B3GALT1: variants seen among roughly 807,000 people sequenced by gnomAD.
B3GALT1 encodes the protein beta-1,3-galactosyltransferase 1, also known as UDP-Gal:betaGlcNAc beta 1,3-galactosyltransferase, polypeptide 1.
In B3GALT1, 10 loss-of-function variants were observed where a neutral mutation model predicts 23.2. That is an observed-to-expected ratio of 0.43 (90% confidence interval 0.27 to 0.73). The LOEUF is 0.73. Ranked by LOEUF, B3GALT1 falls within the 30% of genes least tolerant of loss-of-function variation. The pLI is 0.21. For synonymous variants in B3GALT1, 156 were observed against 141.5 expected (o/e 1.10, Z -0.73); for missense variants, 299 against 405.4 (o/e 0.74, Z 2.25).
chr2:167,496,210 A>G (rs1699780922), intron 2 of B3GALT1, among the ~76,000 whole-genome samples: 1 of 152,204 alleles, frequency 6.6e-6, no homozygotes, highest in Admixed American at 6.5e-5. Flanking sequence ...GAAAAAGTCA[A>G]TACCAGCTTG....
intron 2 of B3GALT1, among the ~76,000 whole-genome samples, chr2:167,535,101 T>C (rs1406067329): frequency 2.0e-5 from 3 of 152,180 alleles, no homozygotes; most frequent in African/African-American, 7.2e-5. Context: ...TCCCATTCCC[T>C]TGATGAAGCT....
At chr2:167,678,299 A>G (rs185079542) in intron 3 of B3GALT1, among the ~76,000 whole-genome samples, 5 of 152,190 alleles carry the variant, frequency 3.3e-5, no homozygotes, top group African/African-American at 7.2e-5. Flanking sequence ...CGTTTTAACA[A>G]TTCTTCCTCA....
Position 167,714,164 on chromosome 2 carries a change from G to A in B3GALT1, c.-352+67198G>A. 5 of 1,519,800 alleles carry A rather than the reference G, an allele frequency of 3.3e-6. No individual in the cohort carries two copies. The South Asian group carries it at 5.6e-5, about 17-fold the overall frequency. 94.1% of individuals were successfully genotyped at this position (1,519,800 alleles called of 1,614,324 possible). A position where few individuals can be genotyped will look rare whatever the true frequency, so the allele number is the denominator to read the frequency against. On this transcript the variant is annotated intron_variant, in intron 3 of 4. Transcript: ENST00000392690. ...AAAACTTCTGAGTTCTGCTGGTCCA[G>A]ACAGTCTATCAGAATTAGAATAAAA... is the stretch of plus-strand genomic sequence containing the variant.
chr2:167,364,023 G>C (rs530905275), intron 1 of B3GALT1, among the ~76,000 whole-genome samples: 3 of 152,060 alleles, frequency 2.0e-5, no homozygotes, highest in East Asian at 3.9e-4. Context: ...AATTAGCCAG[G>C]CATGGCGGCT....
At chr2:167,638,647 A>T (rs1171281329) in intron 2 of B3GALT1, among the ~76,000 whole-genome samples, 3 of 152,076 alleles carry the variant, frequency 2.0e-5, no homozygotes, top group African/African-American at 7.2e-5. Flanking sequence ...CACTTTTTGG[A>T]ACAATAAATT....
At chr2:167,735,598 A>G (rs1319034372) in intron 3 of B3GALT1, among the ~76,000 whole-genome samples, 1 of 152,234 alleles carries the variant, frequency 6.6e-6, no homozygotes, top group Non-Finnish European at 1.5e-5. Flanking sequence ...TCTCTTCTGC[A>G]TATATTCCTA....
At chr2:167,788,786 A>C (rs1688384323) in intron 3 of B3GALT1, among the ~76,000 whole-genome samples, 1 of 152,192 alleles carries the variant, frequency 6.6e-6, no homozygotes, top group Non-Finnish European at 1.5e-5. Flanking sequence ...AATGTCCCAA[A>C]GTGACCAGAA....
chr2:167,479,919 AT>A (rs1011818195), intron 1 of B3GALT1, among the ~76,000 whole-genome samples: 3 of 152,084 alleles, frequency 2.0e-5, no homozygotes, highest in African/African-American at 7.2e-5. Flanking sequence ...TGGGGAACCA[AT>A]TTTCCACATC....
intron 1 of B3GALT1, among the ~76,000 whole-genome samples, chr2:167,360,226 A>T (rs1697479184): frequency 6.6e-6 from 1 of 152,168 alleles, no homozygotes; most frequent in Non-Finnish European, 1.5e-5. Context: ...TGACATGAGG[A>T]ATCTGTAGGT....
intron 3 of B3GALT1, among the ~76,000 whole-genome samples, chr2:167,682,000 T>C (rs1686538600): frequency 6.6e-6 from 1 of 152,222 alleles, no homozygotes; most frequent in Admixed American, 6.5e-5. Context: ...ATAATGAATT[T>C]TTGTTTTTTT....
At chr2:167,447,408 A>C (rs1699017214) in intron 1 of B3GALT1, among the ~76,000 whole-genome samples, 2 of 152,202 alleles carry the variant, frequency 1.3e-5, no homozygotes, top group Non-Finnish European at 2.9e-5. Context: ...GGGACATTTA[A>C]GTCTGCAGAA....
chr2:167,517,264 A>T (rs1379798268), intron 2 of B3GALT1, among the ~76,000 whole-genome samples: 4 of 151,902 alleles, frequency 2.6e-5, no homozygotes, highest in Non-Finnish European at 5.9e-5. Context: ...AATACTCAGA[A>T]CCTGCCTTTC....
chr2:167,410,440 G>A (rs576746756), intron 1 of B3GALT1, among the ~76,000 whole-genome samples: 13 of 150,280 alleles, frequency 8.7e-5, no homozygotes, highest in South Asian at 2.1e-4. Context: ...GCAGTGAGCC[G>A]AGATCGCGCC....
chr2:167,842,609 C>T (rs1689673091), intron 4 of B3GALT1, among the ~76,000 whole-genome samples: 1 of 152,114 alleles, frequency 6.6e-6, no homozygotes, highest in South Asian at 2.1e-4. Context: ...TGCAGTGGCT[C>T]ACACCTGTAA....
At chr2:167,491,514 T>C (rs1699710301) in intron 2 of B3GALT1, among the ~76,000 whole-genome samples, 1 of 149,712 alleles carries the variant, frequency 6.7e-6, no homozygotes, top group Admixed American at 6.7e-5. Context: ...TAACAGACTT[T>C]TTAAAGAGTA....
At chr2:167,662,090 G>A (rs926901780) in intron 3 of B3GALT1, among the ~76,000 whole-genome samples, 14 of 147,888 alleles carry the variant, frequency 9.5e-5, no homozygotes, top group African/African-American at 2.9e-4. Context: ...AAAAAAAGCA[G>A]CAAGTTTTTC....
At chr2:167,630,768 A>G (rs368480244) in intron 2 of B3GALT1, among the ~76,000 whole-genome samples, 86 of 151,922 alleles carry the variant, frequency 5.7e-4, no homozygotes, top group African/African-American at 1.9e-3. Flanking sequence ...GAAAATTATC[A>G]TAATACAGAC....
At chr2:167,454,371 C>G (rs552748829) in intron 1 of B3GALT1, among the ~76,000 whole-genome samples, 1 of 152,328 alleles carries the variant, frequency 6.6e-6, no homozygotes, top group East Asian at 1.9e-4. Flanking sequence ...CCACTTCTCC[C>G]TCAGTCCTTC....
At chr2:167,548,714 G>T (rs913739112) in intron 2 of B3GALT1, among the ~76,000 whole-genome samples, 1 of 151,190 alleles carries the variant, frequency 6.6e-6, no homozygotes, top group African/African-American at 2.4e-5. Flanking sequence ...GTGTGTGTGT[G>T]TGTATGTGTG....
Sources: allele counts gnomAD v4.1 joint callset (sites outside exome capture counted in the v4.1 genomes callset), GRCh38; gene constraint gnomAD v4.1.1; transcripts MANE v1.5; gene names NCBI Gene and HGNC (gene_info 2026-07-23, HGNC 2026-07-21).